PRLR: variants seen among roughly 807,000 people sequenced by gnomAD.
PRLR encodes hPRL receptor.
Under a neutral mutation model 40.2 loss-of-function variants are expected in PRLR, and 13 were observed. The observed-to-expected ratio is 0.32, with a 90% CI of 0.21 to 0.51. The LOEUF is 0.51. Among genes scored for constraint, PRLR ranks in the 20% least tolerant of loss-of-function variants. The probability of loss-of-function intolerance (pLI) is 0.97; values close to 1 mark genes in which losing one functional copy is unlikely to be tolerated. For synonymous variants in PRLR, 269 were observed against 278.7 expected (o/e 0.97, Z 0.35); for missense variants, 656 against 747.3 (o/e 0.88, Z 1.42).
rs187806673 is a variant in PRLR, at chr5:35,144,618, T to C, written c.-105-26496A>G. Reference sequence around the variant, plus strand: ...ACAGGTGCACACCACCATGCCTGGCTAATTTTTTTTTTTTTTTGTATTTTT... The same window carrying C: ...ACAGGTGCACACCACCATGCCTGGCCAATTTTTTTTTTTTTTTGTATTTTT... On this transcript the variant is annotated intron_variant, in intron 1 of 9. Transcript: ENST00000618457. Among the ~76,000 whole-genome samples the C allele has an allele frequency of 9.5e-3, 1,379 of 145,902 alleles. 29 individuals are homozygous for C. Among genetic ancestry groups the C allele is most frequent in the African/African-American group, 0.034 (1,335 of 38,906 alleles).
chr5:35,218,234 C>G (rs1268337031), intron 1 of PRLR, among the ~76,000 whole-genome samples: 1 of 152,060 alleles, frequency 6.6e-6, no homozygotes, highest in African/African-American at 2.4e-5. Flanking sequence ...ATACCTGACA[C>G]ATATCATATA....
chr5:35,079,695 T>C (rs926433478), intron 5 of PRLR, among the ~76,000 whole-genome samples: 15 of 152,122 alleles, frequency 9.9e-5, no homozygotes, highest in African/African-American at 3.6e-4. Flanking sequence ...AAAACTAAAG[T>C]TCATGTGGGA....
chr5:35,204,007 A>G (rs893078244), intron 1 of PRLR, among the ~76,000 whole-genome samples: 2 of 152,032 alleles, frequency 1.3e-5, no homozygotes, highest in South Asian at 4.1e-4. Context: ...ACACAGCTCT[A>G]ATTTTTATTG....
chr5:35,228,308 G>C (rs1467764604), intron 1 of PRLR, among the ~76,000 whole-genome samples: 2 of 151,254 alleles, frequency 1.3e-5, no homozygotes, highest in African/African-American at 4.9e-5. Context: ...AAAACTCAGA[G>C]GCTTGCTCAG....
chr5:35,219,009 G>A (rs960480673), intron 1 of PRLR, among the ~76,000 whole-genome samples: 3 of 152,196 alleles, frequency 2.0e-5, no homozygotes, highest in Admixed American at 2.0e-4. Flanking sequence ...TCACCAGCCA[G>A]TGCCCTGTTG....
At chr5:35,216,541 C>T (rs1776293354) in intron 1 of PRLR, among the ~76,000 whole-genome samples, 2 of 152,170 alleles carry the variant, frequency 1.3e-5, no homozygotes, top group Non-Finnish European at 2.9e-5. Flanking sequence ...TAGCATACCA[C>T]TCTGTGTGAT....
At chr5:35,052,555 G>A (rs1382864692), downstream of PRLR, among the ~76,000 whole-genome samples, 2 of 152,082 alleles carry the variant, frequency 1.3e-5, no homozygotes, top group Non-Finnish European at 2.9e-5. Context: ...CATAGAAACT[G>A]GAATCTCACT....
intron 1 of PRLR, among the ~76,000 whole-genome samples, chr5:35,167,532 C>T (rs1774875969): frequency 6.6e-6 from 1 of 151,860 alleles, no homozygotes; most frequent in South Asian, 2.1e-4. Context: ...AGGAGGTGTT[C>T]ATGGAAGTAT....
intron 5 of PRLR, among the ~76,000 whole-genome samples, chr5:35,083,707 A>T (rs1415423469): frequency 1.3e-5 from 2 of 151,434 alleles, no homozygotes; most frequent in Non-Finnish European, 2.9e-5. Context: ...TTTAGTAGAG[A>T]TGGGGTTTCA....
chr5:35,204,223 A>AT (rs1170667289), intron 1 of PRLR, among the ~76,000 whole-genome samples: 1 of 151,022 alleles, frequency 6.6e-6, no homozygotes, highest in East Asian at 1.9e-4. Context: ...TCAAAAAAAA[A>AT]AATAATAAAT....
Position 35,072,633 on chromosome 5 carries a change from C to A in PRLR, c.485G>T (p.Gly162Val). 6.2e-7 allele frequency: 1 copy of A among 1,614,140 alleles called. No homozygotes were observed. The highest frequency in any genetic ancestry group is 8.5e-7 in the Non-Finnish European group (1 of 1,180,020). Residue 162 changes from glycine (G) to valine (V), a missense_variant, in exon 6 of 10, where the codon GGT becomes GTT. Coordinates refer to ENST00000618457, the MANE Select transcript of PRLR (RefSeq NM_000949.7). The stretch of plus-strand genomic sequence containing the variant: ...AATTTCATACAGGAGCGTGAACCAA[C>A]CAGTTTTTAAGTCAATCAGGGTAGG... ...SPPTLIDLKT[G>V]WFTLLYEIRL...
chr5:35,048,881 C>A (rs60048323), exon 9 of PRLR: 3 of 326,192 alleles, frequency 9.2e-6, no homozygotes, highest in Non-Finnish European at 1.8e-5. Flanking sequence ...AGTGACAAAG[C>A]TGATTGCAAC....
intron 1 of PRLR, among the ~76,000 whole-genome samples, chr5:35,182,128 C>T (rs1775311123): frequency 6.6e-6 from 1 of 151,980 alleles, no homozygotes; most frequent in Admixed American, 6.6e-5. Context: ...ACAAATGAAA[C>T]CTTTGTGAAG....
In PRLR at chr5:35,057,903, G is replaced by T. The variant is rs1282677550; in HGVS notation, c.*7186C>A. ...TAAGGAAAAGGGTTATTTCTAGGGG[G>T]GTTACAGAAGTCAATTTGTAAGAGA... On this transcript the variant is annotated 3_prime_UTR_variant, in exon 10 of 10. Transcript: ENST00000618457. 2.0e-5 allele frequency: 3 copies of T among 151,952 alleles called. No individual in the cohort carries two copies. The highest frequency in any genetic ancestry group is 7.3e-5 in the African/African-American group (3 of 41,362). The allele number at this position is 151,952 out of a possible 1,614,324, so 9.4% of individuals were successfully genotyped here.
chr5:35,139,294 C>A (rs1773946095), intron 1 of PRLR, among the ~76,000 whole-genome samples: 1 of 152,050 alleles, frequency 6.6e-6, no homozygotes, highest in Non-Finnish European at 1.5e-5. Flanking sequence ...GCCACCACAC[C>A]CAGCTAATTT....
intron 1 of PRLR, among the ~76,000 whole-genome samples, chr5:35,145,690 A>G (rs1291510658): frequency 2.0e-5 from 3 of 152,210 alleles, no homozygotes; most frequent in African/African-American, 7.2e-5. Context: ...TTGCATCTCT[A>G]AAACTTTGCC....
intron 1 of PRLR, among the ~76,000 whole-genome samples, chr5:35,200,634 G>A (rs972054878): frequency 5.3e-5 from 8 of 152,108 alleles, no homozygotes; most frequent in Non-Finnish European, 8.8e-5. Context: ...AAGAGCCTAG[G>A]GTTTCTGGGT....
chr5:35,225,866 GA>G (rs1422478506), intron 1 of PRLR, among the ~76,000 whole-genome samples: 1 of 152,170 alleles, frequency 6.6e-6, no homozygotes, highest in Non-Finnish European at 1.5e-5. Context: ...ATTTTTAATA[GA>G]GACGGGGTTT....
chr5:35,214,655 G>A (rs1776243893), intron 1 of PRLR, among the ~76,000 whole-genome samples: 1 of 152,196 alleles, frequency 6.6e-6, no homozygotes, highest in Admixed American at 6.5e-5. Flanking sequence ...AAGAAGAAAT[G>A]TATTCCTCTT....
Sources: gnomAD v4.1 joint callset for allele counts (sites outside exome capture counted in the v4.1 genomes callset) on GRCh38, gnomAD v4.1.1 for gene constraint, MANE v1.5 for transcripts, NCBI Gene and HGNC (gene_info 2026-07-23, HGNC 2026-07-21) for gene names.